Variants in ARHGAP12 observed in about 807,000 individuals in gnomAD.
ARHGAP12 encodes the protein Rho GTPase activating protein 12.
A neutral mutation model predicts 108.6 loss-of-function variants in ARHGAP12; 64 were observed. The observed-to-expected ratio is 0.59, with a 90% CI of 0.48 to 0.73. The LOEUF (loss-of-function observed/expected upper bound fraction) is 0.73. Ranked by LOEUF, ARHGAP12 falls within the 30% of genes least tolerant of loss-of-function variation. The pLI is 0.00. For missense variants in ARHGAP12, 940 were observed against 1,005.9 expected (o/e 0.93, Z 0.89); for synonymous variants, 312 against 337.2 (o/e 0.93, Z 0.82).
intron 9 of ARHGAP12, among the ~76,000 whole-genome samples, chr10:31,838,888 G>C (rs1051891084): frequency 6.6e-6 from 1 of 151,238 alleles, no homozygotes; most frequent in East Asian, 1.9e-4. Flanking sequence ...TGTGGTCCCA[G>C]CTACTAGGGA....
chr10:31,868,453 T>C (rs1351125573), intron 3 of ARHGAP12, among the ~76,000 whole-genome samples: 2 of 152,140 alleles, frequency 1.3e-5, no homozygotes, highest in Non-Finnish European at 2.9e-5. Flanking sequence ...TGGGGCAGGA[T>C]AGGCCCTTGT....
At chr10:31,909,707 C>G (rs530440616) in intron 2 of ARHGAP12, among the ~76,000 whole-genome samples, 12 of 152,162 alleles carry the variant, frequency 7.9e-5, no homozygotes, top group African/African-American at 2.9e-4. Flanking sequence ...AGCAGCCTGA[C>G]CAACATGGCA....
chr10:31,851,768 C>T lies in ARHGAP12; in HGVS notation c.1170+749G>A, dbSNP rs538487154. 1.9e-3 allele frequency among the ~76,000 whole-genome samples: 296 copies of T among 152,228 alleles called. 1 individual carries two copies. The highest frequency in any genetic ancestry group is 0.014 in the Middle Eastern group (4 of 294). On this transcript the variant is annotated intron_variant, in intron 6 of 19. Coordinates refer to ENST00000344936, the MANE Select transcript of ARHGAP12 (RefSeq NM_018287.7). The stretch of plus-strand genomic sequence containing the variant: ...TTTCTATATCCATGTTTCATTTATA[C>T]TATTAATATTCTTCTTTAAATTGAC...
At chr10:31,923,947 C>A (rs957680586) in intron 1 of ARHGAP12, among the ~76,000 whole-genome samples, 2 of 152,096 alleles carry the variant, frequency 1.3e-5, no homozygotes, top group East Asian at 3.8e-4. Context: ...AGCAATTATA[C>A]CTCAAAACTG....
chr10:31,821,079 T>TGAA (rs1309643699), intron 11 of ARHGAP12, among the ~76,000 whole-genome samples: 31 of 152,148 alleles, frequency 2.0e-4, no homozygotes, highest in African/African-American at 7.5e-4. Context: ...GATTTTGTGC[T>TGAA]TTCAGAAGTA....
intron 7 of ARHGAP12, among the ~76,000 whole-genome samples, chr10:31,841,938 T>C (rs996648840): frequency 1.3e-5 from 2 of 151,998 alleles, no homozygotes; most frequent in East Asian, 1.9e-4. Flanking sequence ...AAGGGTAAGG[T>C]AGAGGGTAAA....
chr10:31,928,476 A>C lies in ARHGAP12; in HGVS notation c.-111+207T>G, dbSNP rs7096139. ...CCGGCCCCCTCCCCCTCGGCGCCTA[A>C]CCCCCGCGCCCAGAGCCCCTCGCTG... is the stretch of plus-strand genomic sequence containing the variant. On this transcript the variant is annotated intron_variant, in intron 1 of 19. Transcript: ENST00000344936. Among the ~76,000 whole-genome samples, 82,613 of 149,460 alleles carry C rather than the reference A, an allele frequency of 0.55. 23,209 individuals are homozygous for C. Among genetic ancestry groups the C allele is most frequent in the African/African-American group, 0.64 (25,918 of 40,610 alleles).
intron 3 of ARHGAP12, among the ~76,000 whole-genome samples, chr10:31,887,111 C>T (rs948816255): frequency 6.6e-6 from 1 of 152,140 alleles, no homozygotes; most frequent in African/African-American, 2.4e-5. Flanking sequence ...AAGGCATTAC[C>T]TCATGTACTT....
intron 3 of ARHGAP12, among the ~76,000 whole-genome samples, chr10:31,866,622 T>TA (rs1330599185): frequency 6.7e-6 from 1 of 149,586 alleles, no homozygotes; most frequent in Non-Finnish European, 1.5e-5. Context: ...AATGCTCCCT[T>TA]TTTTTTTTGG....
chr10:31,857,715 C>T (rs1254023822), intron 4 of ARHGAP12, among the ~76,000 whole-genome samples: 1 of 152,138 alleles, frequency 6.6e-6, no homozygotes, highest in African/African-American at 2.4e-5. Context: ...ATCAGATTGA[C>T]ATCTGAATTT....
chr10:31,873,203 C>T (rs1837606743), intron 3 of ARHGAP12, among the ~76,000 whole-genome samples: 1 of 152,212 alleles, frequency 6.6e-6, no homozygotes, highest in African/African-American at 2.4e-5. Flanking sequence ...ATATAATCAG[C>T]ACGCAAATTA....
intron 15 of ARHGAP12, 101 bp from the exon 16 acceptor site, chr10:31,810,848 A>C: frequency 1.2e-6 from 1 of 854,884 alleles, no homozygotes; most frequent in South Asian, 1.5e-5. Context: ...AGCGTAACCA[A>C]ATATTGTTTA....
At position 31,807,811 on chromosome 10, in the gene ARHGAP12, T is replaced by C. The variant is rs1035740540; in HGVS notation, c.2388A>G (p.Lys796=). The change falls in exon 20 of 20, where the codon AAA becomes AAG. Residue 796 remains lysine, a synonymous_variant. Coordinates refer to ENST00000344936, the MANE Select transcript of ARHGAP12 (RefSeq NM_018287.7). ...CTATACTCTGATAGGTCATTCGATT[T>C]TTCTCTCCATTTTCTATAACTCTGA... The part of the protein sequence containing the change: ...HLRRVIENGE[K]NRMTYQSIAI... The C allele has an allele frequency of 5.9e-6, 9 of 1,533,768 alleles. No individual in the cohort carries two copies. The highest frequency in any genetic ancestry group is 7.9e-6 in the Non-Finnish European group (9 of 1,143,034).
At chr10:31,839,185 G>C (rs1472617057) in intron 9 of ARHGAP12, 120 bp downstream of exon 9, 1 of 1,038,458 alleles carries the variant, frequency 9.6e-7, no homozygotes, top group Non-Finnish European at 1.4e-6. Context: ...CAGTTTAGGA[G>C]AACTTACAGT....
intron 3 of ARHGAP12, among the ~76,000 whole-genome samples, chr10:31,862,758 G>A (rs558301270): frequency 2.1e-5 from 3 of 145,908 alleles, no homozygotes; most frequent in Non-Finnish European, 4.5e-5. Flanking sequence ...ACACGCCTCC[G>A]ACGTGACAAC....
chr10:31,917,350 G>T (rs984790082), intron 1 of ARHGAP12, among the ~76,000 whole-genome samples: 2 of 152,088 alleles, frequency 1.3e-5, no homozygotes, highest in Non-Finnish European at 2.9e-5. Context: ...AGGTTGCAGT[G>T]AGCCAAGATC....
chr10:31,829,016 G>A (rs1835729843), intron 10 of ARHGAP12, among the ~76,000 whole-genome samples: 1 of 152,112 alleles, frequency 6.6e-6, no homozygotes, highest in Non-Finnish European at 1.5e-5. Flanking sequence ...GCCACGCGTA[G>A]TGGCACATGC....
At chr10:31,878,236 A>G (rs543986845) in intron 3 of ARHGAP12, among the ~76,000 whole-genome samples, 2 of 152,308 alleles carry the variant, frequency 1.3e-5, no homozygotes, top group African/African-American at 4.8e-5. Flanking sequence ...GCAGAAATTC[A>G]CCACCCAATT....
chr10:31,838,994 C>T (rs1038093483), intron 9 of ARHGAP12, among the ~76,000 whole-genome samples: 12 of 151,718 alleles, frequency 7.9e-5, no homozygotes, highest in Admixed American at 4.6e-4. Flanking sequence ...CCAGCCTGGA[C>T]AACAGAGCGC....
Sources: allele counts gnomAD v4.1 joint callset (sites outside exome capture counted in the v4.1 genomes callset), GRCh38; gene constraint gnomAD v4.1.1; transcripts MANE v1.5; gene names NCBI Gene and HGNC (gene_info 2026-07-23, HGNC 2026-07-21).